FTO: variants seen among roughly 807,000 people sequenced by gnomAD.
FTO encodes the protein FTO alpha-ketoglutarate dependent dioxygenase.
Under a neutral mutation model 63.9 loss-of-function variants are expected in FTO, and 47 were observed. That is an observed-to-expected ratio of 0.74 (90% CI 0.58 to 0.94). The LOEUF (loss-of-function observed/expected upper bound fraction) is 0.94. Among genes scored for constraint, FTO ranks in the 40% least tolerant of loss-of-function variants. FTO has a pLI of 0.00. For missense variants in FTO, 562 were observed against 618.1 expected (o/e 0.91, Z 0.96); for synonymous variants, 207 against 224.4 (o/e 0.92, Z 0.69).
intron 8 of FTO, among the ~76,000 whole-genome samples, chr16:53,974,266 A>G (rs1438023987): frequency 6.6e-6 from 1 of 152,220 alleles, no homozygotes; most frequent in Non-Finnish European, 1.5e-5. Flanking sequence ...GGTCTGATGA[A>G]GAGCATATGA....
chr16:53,907,181 A>G (rs1485848146), intron 7 of FTO, among the ~76,000 whole-genome samples: 1 of 152,208 alleles, frequency 6.6e-6, no homozygotes, highest in African/African-American at 2.4e-5. Context: ...ACCCATTGAA[A>G]GTTGAAAATA....
At chr16:53,991,179 C>G (rs1404526431) in intron 8 of FTO, 3 of 152,232 alleles carry the variant, frequency 2.0e-5, no homozygotes, top group Non-Finnish European at 2.9e-5. Flanking sequence ...ACCCAAATCT[C>G]AGCGTGTGTC....
intron 1 of FTO, among the ~76,000 whole-genome samples, chr16:53,771,582 G>A (rs1008363441): frequency 1.2e-4 from 18 of 151,928 alleles, no homozygotes; most frequent in African/African-American, 3.6e-4. Context: ...AATGTTATAC[G>A]TAGAGTTACC....
At chr16:53,910,725 G>A (rs1204125452) in intron 7 of FTO, among the ~76,000 whole-genome samples, 2 of 152,046 alleles carry the variant, frequency 1.3e-5, no homozygotes, top group African/African-American at 4.8e-5. Context: ...TAGTAGAGAC[G>A]AGGTTTCGCC....
intron 4 of FTO, among the ~76,000 whole-genome samples, chr16:53,845,174 T>C (rs2079585963): frequency 6.6e-6 from 1 of 152,234 alleles, no homozygotes; most frequent in Non-Finnish European, 1.5e-5. Context: ...ACAAAGCTTC[T>C]CAGGGTTTAT....
At chr16:53,885,954 T>C (rs1243988970) in intron 6 of FTO, among the ~76,000 whole-genome samples, 1 of 152,164 alleles carries the variant, frequency 6.6e-6, no homozygotes, top group Non-Finnish European at 1.5e-5. Flanking sequence ...GAGGTCTCAC[T>C]ATGTTGCCCA....
chr16:54,015,815 C>CT (rs1452936363), intron 8 of FTO, among the ~76,000 whole-genome samples: 1 of 152,198 alleles, frequency 6.6e-6, no homozygotes, highest in Non-Finnish European at 1.5e-5. Context: ...CATACAGTGA[C>CT]TTACAAGTTC....
chr16:53,979,426 T>A (rs2083493953), intron 8 of FTO: 1 of 398,484 alleles, frequency 2.5e-6, no homozygotes, highest in Non-Finnish European at 4.4e-6. Context: ...CATCTCAAGT[T>A]TGGCAGCATG....
chr16:54,012,708 A>G (rs1471310488), intron 8 of FTO, among the ~76,000 whole-genome samples: 1 of 152,202 alleles, frequency 6.6e-6, no homozygotes, highest in Non-Finnish European at 1.5e-5. Context: ...GGCACTTAAG[A>G]ATTATGCTAA....
chr16:53,809,951 G>GA (rs913640482), intron 1 of FTO, among the ~76,000 whole-genome samples, 189 bp from the exon 2 acceptor site: 11 of 148,524 alleles, frequency 7.4e-5, no homozygotes, highest in East Asian at 5.9e-4. Flanking sequence ...TAAAAGAAAA[G>GA]AAAAAAAAAG....
chr16:53,879,747 A>G (rs2080771044), intron 5 of FTO, 97 bp from the exon 6 acceptor site: 1 of 1,402,466 alleles, frequency 7.1e-7, no homozygotes, highest in Non-Finnish European at 1.0e-6. Context: ...CAACAGGTGA[A>G]TTCACAGCCA....
chr16:53,855,038 A>T (rs9931158), intron 4 of FTO, among the ~76,000 whole-genome samples: 53,034 of 149,958 alleles, frequency 0.35, 11,777 homozygotes, highest in East Asian at 0.75. Context: ...TATTATTATT[A>T]TTTTTTTTAG....
At chr16:53,823,996 T>C (rs1207738687) in intron 2 of FTO, among the ~76,000 whole-genome samples, 4 of 152,242 alleles carry the variant, frequency 2.6e-5, no homozygotes, top group Non-Finnish European at 1.5e-5. Flanking sequence ...ATCTGTCCAC[T>C]TATCTTTGTC....
At chr16:54,079,180 A>G (rs895442505) in intron 8 of FTO, among the ~76,000 whole-genome samples, 3 of 152,224 alleles carry the variant, frequency 2.0e-5, no homozygotes, top group Admixed American at 1.3e-4. Context: ...AATCTGCTTC[A>G]ACTGTCAGAT....
At chr16:54,009,552 T>A (rs7184897) in intron 8 of FTO, among the ~76,000 whole-genome samples, 79,568 of 151,818 alleles carry the variant, frequency 0.52, 23,481 homozygotes, top group African/African-American at 0.8. Flanking sequence ...GAGCATCGAA[T>A]TCAGCAGGTT....
intron 8 of FTO, among the ~76,000 whole-genome samples, chr16:53,974,293 C>T (rs2083389865): frequency 6.6e-6 from 1 of 152,104 alleles, no homozygotes; most frequent in South Asian, 2.1e-4. Context: ...TTGTACAAAG[C>T]CACTTTGAAA....
At chr16:53,825,724 G>A in intron 2 of FTO, 140 bp from the exon 3 acceptor site, 1 of 893,226 alleles carries the variant, frequency 1.1e-6, no homozygotes, top group Non-Finnish European at 1.8e-6. Context: ...TTTGGGCTAG[G>A]AAGATGTGAC....
intron 1 of FTO, among the ~76,000 whole-genome samples, chr16:53,726,508 A>G (rs1369040802): frequency 2.0e-5 from 3 of 152,206 alleles, no homozygotes; most frequent in Admixed American, 2.0e-4. Context: ...AAAGCAGAGC[A>G]TGCTTAAAAC....
rs533290628 is a variant in FTO, at chr16:53,797,163, C to A, written c.46-12977C>A. 1.6e-3 allele frequency among the ~76,000 whole-genome samples: 242 copies of A among 152,294 alleles called. 2 individuals are homozygous for A. The South Asian group carries it at 0.024, about 15-fold the overall frequency. ...AGGCACAGAGATTTCCCATATACTCCCTACCTCCACACATGCTCTGTTACA... is the reference window on the plus strand; with the variant it reads ...AGGCACAGAGATTTCCCATATACTCACTACCTCCACACATGCTCTGTTACA... On this transcript the variant is annotated intron_variant, in intron 1 of 8. Transcript: ENST00000471389.
Sources: allele counts gnomAD v4.1 joint callset (sites outside exome capture counted in the v4.1 genomes callset), GRCh38; gene constraint gnomAD v4.1.1; transcripts MANE v1.5; gene names NCBI Gene and HGNC (gene_info 2026-07-23, HGNC 2026-07-21).